SIGIRR: variants seen among roughly 807,000 people sequenced by gnomAD.
SIGIRR encodes single Ig IL-1-related receptor.
SIGIRR carries 41 observed loss-of-function variants against 45.6 expected under a neutral mutation model. That is an observed-to-expected ratio of 0.90 (90% confidence interval 0.70 to 1.17). The LOEUF is 1.17. Among genes scored for constraint, SIGIRR ranks in the 50% most tolerant of loss-of-function variants. The probability of loss-of-function intolerance (pLI) is 0.00; values close to 1 mark genes in which losing one functional copy is unlikely to be tolerated. For missense variants in SIGIRR, 599 were observed against 539.6 expected (o/e 1.11, Z -1.09); for synonymous variants, 298 against 239.0 (o/e 1.25, Z -2.28).
At chr11:408,279 T>G (rs1847444940) in intron 3 of SIGIRR, 73 bp from the exon 4 acceptor site, 3 of 1,565,588 alleles carry the variant, frequency 1.9e-6, no homozygotes, top group Non-Finnish European at 2.6e-6. Flanking sequence ...CCTGTCTGGG[T>G]TCACCCAGGG....
chr11:405,887 G>T lies in SIGIRR; in HGVS notation c.*9C>A, dbSNP rs1289298008. The T allele has an allele frequency of 6.3e-7, 1 of 1,586,988 alleles. No homozygotes were observed. Among genetic ancestry groups the T allele is most frequent in the South Asian group, 1.1e-5 (1 of 88,076 alleles). Reference sequence around the variant, plus strand: ...GCTGTCCCTATGATCCTGCACTCTGGGGTGGGAGCTACATATCATCCTTGG... The same window carrying T: ...GCTGTCCCTATGATCCTGCACTCTGTGGTGGGAGCTACATATCATCCTTGG... On this transcript the variant is annotated 3_prime_UTR_variant, in exon 10 of 10. Coordinates refer to ENST00000431843, the MANE Select transcript of SIGIRR (RefSeq NM_001135054.2).
intron 3 of SIGIRR, 135 bp downstream of exon 3, chr11:408,560 C>T (rs1590376330): frequency 6.7e-6 from 7 of 1,046,528 alleles, no homozygotes; most frequent in South Asian, 2.8e-5. Context: ...ACTGACCCTC[C>T]GTCTGGGTCC....
intron 1 of SIGIRR, among the ~76,000 whole-genome samples, chr11:410,944 G>A (rs1408998733): frequency 4.5e-5 from 2 of 44,034 alleles, no homozygotes; most frequent in African/African-American, 2.0e-4. Flanking sequence ...GGATACAGTC[G>A]GCGGGGGTGC....
rs1285741895 is a variant in SIGIRR, at chr11:414,876, G to A, written c.-207C>T. 1 of 985,390 alleles carries A rather than the reference G, an allele frequency of 1.0e-6. No individual in the cohort carries two copies. Among genetic ancestry groups the A allele is most frequent in the Non-Finnish European group, 1.2e-6 (1 of 830,016 alleles). The allele number at this position is 985,390 out of a possible 1,614,324, so 61.0% of individuals were successfully genotyped here. A position where few individuals can be genotyped will look rare whatever the true frequency, so the allele number is the denominator to read the frequency against. ...AAATGTTGGTCATTGGTGCGCCTTT[G>A]GGAGCAAACTCTCCCCTTCGCTGGG... On this transcript the variant is annotated 5_prime_UTR_variant, in exon 1 of 10. Transcript: ENST00000431843.
In SIGIRR at chr11:405,833, AGAG is replaced by A; in HGVS notation, c.*60_*62del. ...GGCAGGGGTTGTGGTCCTGTTGAGC[AGAG>A]GAGCGACGCCGCTGCCCTGGCCCCC... is the stretch of plus-strand genomic sequence containing the variant. On this transcript the variant is annotated 3_prime_UTR_variant, in exon 10 of 10. Transcript: ENST00000431843. 2.0e-6 allele frequency: 3 copies of A among 1,515,500 alleles called. No individual in the cohort carries two copies. Among genetic ancestry groups the A allele is most frequent in the Non-Finnish European group, 2.7e-6 (3 of 1,120,854 alleles). The allele number at this position is 1,515,500 out of a possible 1,614,324, so 93.9% of individuals were successfully genotyped here. A position where few individuals can be genotyped will look rare whatever the true frequency, so the allele number is the denominator to read the frequency against.
Position 406,484 on chromosome 11 carries a change from G to A in SIGIRR, c.934C>T (p.Gln312Ter). The A allele has an allele frequency of 1.2e-6, 2 of 1,612,156 alleles. No individual in the cohort carries two copies. The highest frequency in any genetic ancestry group is 1.1e-5 in the South Asian group (1 of 91,058). ...EVQLALPRKV[Q>*]YRPVEGDPQT... ...GGGTCTCCTTCCACAGGCCTGTACT[G>A]CACCTTCCGCGGCAGCGCCAGCTGC... The change falls in exon 9 of 10, where the codon CAG becomes TAG. Residue 312 changes from glutamine (Q) to a stop codon, truncating the protein, a stop_gained. Coordinates refer to ENST00000431843, the MANE Select transcript of SIGIRR (RefSeq NM_001135054.2). LOFTEE classifies it high-confidence loss of function.
At chr11:413,006 A>G (rs1847741584) in intron 1 of SIGIRR, among the ~76,000 whole-genome samples, 1 of 152,126 alleles carries the variant, frequency 6.6e-6, no homozygotes, top group Non-Finnish European at 1.5e-5. Flanking sequence ...TTGGCAGCCC[A>G]GGGCCCCAGG....
chr11:415,441 C>T (rs1369744759), upstream of SIGIRR, among the ~76,000 whole-genome samples: 3 of 152,098 alleles, frequency 2.0e-5, no homozygotes, highest in African/African-American at 4.8e-5. The surrounding 1 kb of genome is among the most constrained non-coding windows in gnomAD (Gnocchi z 6.6). Context: ...GGGGACCGCG[C>T]GGCATGCCTT....
Position 409,868 on chromosome 11 carries a change from C to T in SIGIRR, c.7G>A (p.Gly3Ser). The T allele has an allele frequency of 1.5e-6, 2 of 1,332,398 alleles. No individual in the cohort carries two copies. The highest frequency in any genetic ancestry group is 1.9e-6 in the Non-Finnish European group (2 of 1,035,082). The allele number at this position is 1,332,398 out of a possible 1,614,324, so 82.5% of individuals were successfully genotyped here. ...GCCCATCCCTCTCTGACCTGCCTAC[C>T]TGGCATGGCTCTGAGCCGGGGCCTC... is the stretch of plus-strand genomic sequence containing the variant. The part of the protein sequence containing the change: MP[G>S]VCDRAPDFLS... Residue 3 changes from glycine (G) to serine (S), a missense_variant and splice_region_variant, in exon 2 of 10, where the codon GGT becomes AGT. By Grantham distance (56) the Gly-to-Ser change is moderately conservative (BLOSUM62 0). Coordinates refer to ENST00000431843, the MANE Select transcript of SIGIRR (RefSeq NM_001135054.2).
intron 3 of SIGIRR, 131 bp from the exon 4 acceptor site, chr11:408,337 G>A: frequency 8.0e-7 from 1 of 1,243,018 alleles, no homozygotes; most frequent in Non-Finnish European, 1.1e-6. Context: ...CTTAAGCCAA[G>A]AGAAGTGACC....
At chr11:406,634 C>T (rs1187218695) in intron 8 of SIGIRR, 96 bp from the exon 9 acceptor site, 2 of 1,461,144 alleles carry the variant, frequency 1.4e-6, no homozygotes, top group African/African-American at 2.8e-5. Flanking sequence ...CCCACGGGTT[C>T]CACGCCCTGC....
In SIGIRR at chr11:408,054, C is replaced by A. The variant is rs1003483573; in HGVS notation, c.340+19G>T. ...GTCTAGGTCCCCTTCTACCCTCCAC[C>A]TTGGGGAACCCCCATCACCAGCTCT... On this transcript the variant is annotated intron_variant, in intron 4 of 9. Coordinates refer to ENST00000431843, the MANE Select transcript of SIGIRR (RefSeq NM_001135054.2). 1.1e-5 allele frequency: 17 copies of A among 1,612,456 alleles called. No homozygotes were observed. Among genetic ancestry groups the A allele is most frequent in the Non-Finnish European group, 1.4e-5 (17 of 1,179,786 alleles).
Position 407,552 on chromosome 11 carries a change from G to A in SIGIRR, c.498C>T (p.Asp166=). 12 of 1,608,350 alleles carry A rather than the reference G, an allele frequency of 7.5e-6. No individual in the cohort carries two copies. Among genetic ancestry groups the A allele is most frequent in the Non-Finnish European group, 9.3e-6 (11 of 1,177,500 alleles). The stretch of plus-strand genomic sequence containing the variant: ...GGCAGTCGCTGTAGGAGACGTAGGC[G>A]TCGTAGAGCTTCCCGTCTGCGGACG... ...EVEINDGKLY[D]AYVSYSDCPE... Residue 166 remains aspartate, a synonymous_variant, in exon 6 of 10, where the codon GAC becomes GAT. Transcript: ENST00000431843.
At chr11:406,668 G>A (rs1847321332) in intron 8 of SIGIRR, 130 bp from the exon 9 acceptor site, 1 of 1,407,890 alleles carries the variant, frequency 7.1e-7, no homozygotes, top group Non-Finnish European at 9.3e-7. Flanking sequence ...TGGCTCCGGG[G>A]GCCTCAAGGG....
chr11:406,919 G>C lies in SIGIRR; in HGVS notation c.803C>G (p.Pro268Arg). 1 of 1,596,048 alleles carries C rather than the reference G, an allele frequency of 6.3e-7. No homozygotes were observed. Among genetic ancestry groups the C allele is most frequent in the Non-Finnish European group, 8.5e-7 (1 of 1,175,980 alleles). Residue 268 changes from proline to arginine, a missense_variant, in exon 8 of 10, where the codon CCC (proline) becomes CGC (arginine). Transcript: ENST00000431843. ...FITFEGQRRD[P>R]AHPALRLLRQ... ...CAGCAGGCGGAGCGCCGGGTGCGCG[G>C]GGTCGCGCCTCTGGCCCTCGAAGGT... is the stretch of plus-strand genomic sequence containing the variant.
chr11:409,097 C>A, intron 2 of SIGIRR: 1 of 610,248 alleles, frequency 1.6e-6, no homozygotes, highest in Non-Finnish European at 2.9e-6. Context: ...TCCGCCCACC[C>A]TGTGCTGAGG....
In SIGIRR at chr11:405,803, C is replaced by G. The variant is rs771654875; in HGVS notation, c.*93G>C. The stretch of plus-strand genomic sequence containing the variant: ...CAGGGCTGCTGGCAGGGTCCCAGGG[C>G]TGCTGGCAGGGGTTGTGGTCCTGTT... On this transcript the variant is annotated 3_prime_UTR_variant, in exon 10 of 10. Coordinates refer to ENST00000431843, the MANE Select transcript of SIGIRR (RefSeq NM_001135054.2). 1.4e-6 allele frequency: 2 copies of G among 1,461,134 alleles called. No individual in the cohort carries two copies. Among genetic ancestry groups the G allele is most frequent in the East Asian group, 4.6e-5 (2 of 43,186 alleles). The allele number at this position is 1,461,134 out of a possible 1,614,324, so 90.5% of individuals were successfully genotyped here. A position where few individuals can be genotyped will look rare whatever the true frequency, so the allele number is the denominator to read the frequency against.
intron 6 of SIGIRR, 35 bp downstream of exon 6, chr11:407,390 C>T (rs1034421014): frequency 3.0e-6 from 3 of 1,005,366 alleles, no homozygotes; most frequent in Non-Finnish European, 2.6e-6. Context: ...GCGGGCCCTC[C>T]GGGTGGGCGG....
intron 9 of SIGIRR, 59 bp from the exon 10 acceptor site, chr11:406,118 C>T: frequency 6.5e-7 from 1 of 1,540,856 alleles, no homozygotes; most frequent in East Asian, 2.4e-5. Context: ...CCCAGACCCA[C>T]TGCCAGGGGC....
Sources: allele counts gnomAD v4.1 joint callset (sites outside exome capture counted in the v4.1 genomes callset), GRCh38; gene constraint gnomAD v4.1.1; non-coding constraint Gnocchi (gnomAD v3.1); transcripts MANE v1.5; gene names NCBI Gene and HGNC (gene_info 2026-07-23, HGNC 2026-07-21).